Variants in DRD2 observed in about 807,000 individuals in gnomAD.
DRD2 encodes dopamine receptor D2, also known as D(2) dopamine receptor.
In DRD2, 8 loss-of-function variants were observed where a neutral mutation model predicts 38.0. The observed-to-expected ratio is 0.21, with a 90% CI of 0.12 to 0.38. DRD2 has a LOEUF of 0.38. DRD2 is among the 10% of genes least tolerant of loss of function. The probability of loss-of-function intolerance (pLI) is 1.00; values close to 1 mark genes in which losing one functional copy is unlikely to be tolerated. For synonymous variants in DRD2, 230 were observed against 238.6 expected, an observed-to-expected ratio of 0.96 and a Z score of 0.33; for missense variants, 403 against 607.7, an observed-to-expected ratio of 0.66 and a Z score of 3.54.
In DRD2 at chr11:113,410,516, T is replaced by G; in HGVS notation, c.*211A>C. 2 of 676,330 alleles carry G rather than the reference T, an allele frequency of 3.0e-6. No homozygotes were observed. Among genetic ancestry groups the G allele is most frequent in the South Asian group, 3.5e-5 (2 of 57,178 alleles). The allele number at this position is 676,330 out of a possible 1,614,324, so 41.9% of individuals were successfully genotyped here. ...GAGCTGGGGGGCCCAGCCCCAGGGC[T>G]GGTACCATGCCCAGCTCACTAGCAC... On this transcript the variant is annotated 3_prime_UTR_variant, in exon 8 of 8. Transcript: ENST00000362072.
chr11:113,410,958 C>T (rs755101642), intron 7 of DRD2, 38 bp from the exon 8 acceptor site: 12 of 1,583,076 alleles, frequency 7.6e-6, no homozygotes, highest in African/African-American at 5.4e-5. Context: ...TCCCCAGAGC[C>T]GGGGAGGCAC....
At chr11:113,459,014 C>G (rs1951292482) in intron 1 of DRD2, among the ~76,000 whole-genome samples, 1 of 152,194 alleles carries the variant, frequency 6.6e-6, no homozygotes. Context: ...TCTGGGGCAG[C>G]ATGGAAATAT....
At chr11:113,410,992 G>A in intron 7 of DRD2, 72 bp from the exon 8 acceptor site, 1 of 1,525,276 alleles carries the variant, frequency 6.6e-7, no homozygotes, top group Middle Eastern at 1.8e-4. Flanking sequence ...CACACCCAGT[G>A]CGCCCTGGCT....
intron 1 of DRD2, among the ~76,000 whole-genome samples, chr11:113,454,757 AATGGG>A (rs1951252544): frequency 6.6e-6 from 1 of 152,240 alleles, no homozygotes; most frequent in Non-Finnish European, 1.5e-5. Flanking sequence ...ATCCACATAC[AATGGG>A]ATATTATTCA....
At chr11:113,452,457 TGTGTGTGTGTGTGC>T (rs1239224398) in intron 1 of DRD2, among the ~76,000 whole-genome samples, 11 of 100,038 alleles carry the variant, frequency 1.1e-4, no homozygotes, top group South Asian at 3.6e-4. Flanking sequence ...TGTGTGTGTG[TGTGTGTGTGTGTGC>T]GCGCGCGCGC....
chr11:113,420,576 A>G (rs969758006), intron 2 of DRD2, among the ~76,000 whole-genome samples: 6 of 152,238 alleles, frequency 3.9e-5, no homozygotes, highest in Non-Finnish European at 5.9e-5. Flanking sequence ...AGGGAACTGA[A>G]GCCCAGAGAG....
chr11:113,412,407 C>A, intron 7 of DRD2, 149 bp downstream of exon 7: 1 of 984,902 alleles, frequency 1.0e-6, no homozygotes, highest in Non-Finnish European at 1.5e-6. Context: ...ACAGAATCTA[C>A]CTAATAGGGC....
intron 1 of DRD2, among the ~76,000 whole-genome samples, chr11:113,434,418 C>T (rs1443173122): frequency 6.6e-6 from 1 of 152,196 alleles, no homozygotes; most frequent in East Asian, 1.9e-4. Context: ...CCAGATCCTT[C>T]GTGAAGGGTA....
rs540791790 is a variant in DRD2 at position 113,439,764 on chromosome 11, G to A, written c.-31-15082C>T. Among the ~76,000 whole-genome samples, 553 of 131,848 alleles carry A rather than the reference G, an allele frequency of 4.2e-3. 4 individuals are homozygous for A. Among genetic ancestry groups the A allele is most frequent in the African/African-American group, 0.015 (528 of 35,902 alleles). The allele number at this position is 131,848 out of a possible 152,430, so 86.5% of individuals were successfully genotyped here. The stretch of plus-strand genomic sequence containing the variant: ...TGAGGTAGGAGAATCGCCTGAACCC[G>A]GAAGGTAGAGGTTGCAGTGAGCCCA... On this transcript the variant is annotated intron_variant, in intron 1 of 7. Coordinates refer to ENST00000362072, the MANE Select transcript of DRD2 (RefSeq NM_000795.4).
intron 1 of DRD2, among the ~76,000 whole-genome samples, chr11:113,440,770 C>A (rs555921153): frequency 6.6e-6 from 1 of 152,190 alleles, no homozygotes; most frequent in Non-Finnish European, 1.5e-5. Flanking sequence ...ATGGAGAGGG[C>A]ACCCCATTGG....
chr11:113,433,954 C>T (rs1389548591), intron 1 of DRD2, among the ~76,000 whole-genome samples: 1 of 152,234 alleles, frequency 6.6e-6, no homozygotes, highest in Non-Finnish European at 1.5e-5. Flanking sequence ...GCACAGGCAG[C>T]CACATGCACC....
chr11:113,458,404 A>G (rs1278885810), intron 1 of DRD2, among the ~76,000 whole-genome samples: 3 of 152,316 alleles, frequency 2.0e-5, no homozygotes, highest in East Asian at 1.9e-4. Context: ...GAAAAAAAAA[A>G]ATGAGAGAAA....
intron 4 of DRD2, among the ~76,000 whole-genome samples, 156 bp from the exon 5 acceptor site, chr11:113,415,767 A>C (rs1189492410): frequency 6.6e-6 from 1 of 152,202 alleles, no homozygotes; most frequent in Non-Finnish European, 1.5e-5. Context: ...TCTTAGATAT[A>C]CACAAACGCA....
At chr11:113,463,827 G>C (rs1357674886) in intron 1 of DRD2, among the ~76,000 whole-genome samples, 1 of 152,184 alleles carries the variant, frequency 6.6e-6, no homozygotes, top group Non-Finnish European at 1.5e-5. Flanking sequence ...AAATACAGAA[G>C]AGAGGCCCTT....
chr11:113,410,946 G>C, intron 7 of DRD2, 26 bp from the exon 8 acceptor site: 1 of 1,595,968 alleles, frequency 6.3e-7, no homozygotes, highest in East Asian at 2.2e-5. Context: ...TGGTCAGGCT[G>C]GTCCCCAGAG....
intron 2 of DRD2, among the ~76,000 whole-genome samples, chr11:113,420,284 C>T (rs970083950): frequency 6.6e-6 from 1 of 152,202 alleles, no homozygotes; most frequent in African/African-American, 2.4e-5. Flanking sequence ...ATCCTAGGCT[C>T]CTGGACACAG....
intron 1 of DRD2, among the ~76,000 whole-genome samples, chr11:113,439,031 A>G (rs1320823657): frequency 6.6e-6 from 1 of 152,234 alleles, no homozygotes; most frequent in East Asian, 1.9e-4. Context: ...AAAATGATAT[A>G]TTCCAAAGTG....
At chr11:113,429,249 G>T (rs556829956) in intron 1 of DRD2, among the ~76,000 whole-genome samples, 38 of 152,008 alleles carry the variant, frequency 2.5e-4, no homozygotes, top group African/African-American at 7.2e-4. Context: ...TTGTTTGGGG[G>T]TTTTTTTGTT....
intron 1 of DRD2, among the ~76,000 whole-genome samples, chr11:113,450,403 G>A (rs574709054): frequency 2.0e-5 from 3 of 152,336 alleles, no homozygotes; most frequent in Non-Finnish European, 2.9e-5. Flanking sequence ...CTGGCCCAGA[G>A]AGGCTTCTCT....
Sources: gnomAD v4.1 joint callset for allele counts (sites outside exome capture counted in the v4.1 genomes callset) on GRCh38, gnomAD v4.1.1 for gene constraint, MANE v1.5 for transcripts, NCBI Gene and HGNC (gene_info 2026-07-23, HGNC 2026-07-21) for gene names.